Variants in GNE observed in about 807,000 individuals in gnomAD.
GNE encodes glucosamine (UDP-N-acetyl)-2-epimerase/N-acetylmannosamine kinase.
Under a neutral mutation model 61.8 loss-of-function variants are expected in GNE, and 41 were observed. The ratio of observed to expected loss-of-function variants is 0.66; its 90% CI spans 0.52 to 0.86. The LOEUF (loss-of-function observed/expected upper bound fraction) is 0.86. Among genes scored for constraint, GNE ranks in the 40% least tolerant of loss-of-function variants. The probability of loss-of-function intolerance (pLI) is 0.00; values close to 1 mark genes in which losing one functional copy is unlikely to be tolerated. For missense variants in GNE, 608 were observed against 909.1 expected (o/e 0.67, Z 4.26); for synonymous variants, 264 against 326.4 (o/e 0.81, Z 2.06).
intron 1 of GNE, 89 bp downstream of exon 1, chr9:36,258,232 G>T (rs1458683152): frequency 2.7e-6 from 2 of 740,138 alleles, no homozygotes; most frequent in Admixed American, 6.3e-5. Flanking sequence ...GGCCGGGGAG[G>T]GGAGGCCTGG....
intron 1 of GNE, among the ~76,000 whole-genome samples, chr9:36,274,905 T>C (rs1442447412): frequency 6.6e-6 from 1 of 152,152 alleles, no homozygotes; most frequent in Non-Finnish European, 1.5e-5. Context: ...TTTGTATTTT[T>C]AGTAGAGACG....
chr9:36,236,407 C>T (rs1829396116), intron 4 of GNE, among the ~76,000 whole-genome samples: 1 of 152,130 alleles, frequency 6.6e-6, no homozygotes, highest in Admixed American at 6.5e-5. Flanking sequence ...ACCATCTTGG[C>T]CAGGCTGGTC....
intron 4 of GNE, among the ~76,000 whole-genome samples, chr9:36,234,468 A>G (rs1044888947): frequency 1.3e-5 from 2 of 152,140 alleles, no homozygotes; most frequent in African/African-American, 4.8e-5. Context: ...TCTTAACCTG[A>G]GAGTTCCCAA....
chr9:36,262,604 A>G (rs1830646660), upstream of GNE, among the ~76,000 whole-genome samples: 1 of 152,178 alleles, frequency 6.6e-6, no homozygotes, highest in Admixed American at 6.6e-5. Context: ...ATGGCTTTGT[A>G]GTATAATAAA....
At chr9:36,270,598 A>G (rs1270806024) in intron 1 of GNE, among the ~76,000 whole-genome samples, 2 of 151,480 alleles carry the variant, frequency 1.3e-5, no homozygotes, top group Middle Eastern at 3.5e-3. Context: ...GCTCACTGCA[A>G]GCTCCGCCTC....
chr9:36,258,460 C>G (rs1410956239), upstream of GNE: 1 of 985,414 alleles, frequency 1.0e-6, no homozygotes, highest in Non-Finnish European at 1.2e-6. Context: ...ACTCGTCGCT[C>G]GACCTTGTCC....
At chr9:36,263,024 G>A (rs760830993), upstream of GNE, among the ~76,000 whole-genome samples, 4 of 152,090 alleles carry the variant, frequency 2.6e-5, no homozygotes, top group Non-Finnish European at 5.9e-5. Flanking sequence ...TACAGAAGGC[G>A]AAGTTGCCTG....
intron 1 of GNE, among the ~76,000 whole-genome samples, chr9:36,271,574 A>G (rs1831029633): frequency 6.6e-6 from 1 of 152,050 alleles, no homozygotes; most frequent in Non-Finnish European, 1.5e-5. Context: ...GGGTTTCACC[A>G]TGTTGTCTAG....
At chr9:36,270,077 C>T (rs1830965748) in intron 1 of GNE, among the ~76,000 whole-genome samples, 1 of 152,068 alleles carries the variant, frequency 6.6e-6, no homozygotes, top group Non-Finnish European at 1.5e-5. Context: ...TCCTGTGACC[C>T]CAGCATCCCA....
chr9:36,241,608 TCAG>T (rs774222387), intron 3 of GNE, among the ~76,000 whole-genome samples: 4 of 152,210 alleles, frequency 2.6e-5, no homozygotes, highest in Admixed American at 6.5e-5. Context: ...TATCCATAAT[TCAG>T]CAGCCTCAGC....
At chr9:36,217,769 T>C (rs1828397766) in intron 11 of GNE, among the ~76,000 whole-genome samples, 169 bp from the exon 12 acceptor site, 1 of 152,120 alleles carries the variant, frequency 6.6e-6, no homozygotes, top group African/African-American at 2.4e-5. Context: ...TATGAGAAAA[T>C]GATCATGTGA....
chr9:36,247,577 C>T (rs183939621), intron 2 of GNE, among the ~76,000 whole-genome samples: 20 of 152,266 alleles, frequency 1.3e-4, no homozygotes, highest in Admixed American at 2.0e-4. Context: ...AAAAAACCTA[C>T]TACCATTTCC....
intron 3 of GNE, among the ~76,000 whole-genome samples, chr9:36,241,833 G>T (rs1387225041): frequency 6.6e-6 from 1 of 152,038 alleles, no homozygotes; most frequent in East Asian, 1.9e-4. Context: ...CAGAGTGATA[G>T]CATGAGAAGT....
chr9:36,275,154 T>A (rs576067414), intron 1 of GNE, among the ~76,000 whole-genome samples: 27 of 152,340 alleles, frequency 1.8e-4, no homozygotes, highest in African/African-American at 6.5e-4. Context: ...TCAAATCCGC[T>A]TGTCCAAAAT....
chr9:36,218,511 TC>T lies in GNE; in HGVS notation c.1817-213del, dbSNP rs556551893. ...GTTGTACATAACCCAGAACCTATCTTCCTGGAAAAACCTCAAGTCTGACGAC... is the reference window on the plus strand; with the variant it reads ...GTTGTACATAACCCAGAACCTATCTTCTGGAAAAACCTCAAGTCTGACGAC... On this transcript the variant is annotated intron_variant, in intron 10 of 11. Transcript: ENST00000642385. This position sits in a 1 kb window ranked among gnomAD's most constrained non-coding sequence, Gnocchi z 4.1. Among the ~76,000 whole-genome samples the T allele has an allele frequency of 3.0e-3, 460 of 152,318 alleles. 3 individuals carry two copies. Among genetic ancestry groups the T allele is most frequent in the African/African-American group, 0.011 (438 of 41,572 alleles).
At chr9:36,265,922 A>AT (rs747862068) in intron 1 of GNE, among the ~76,000 whole-genome samples, 47 of 151,628 alleles carry the variant, frequency 3.1e-4, no homozygotes, top group Non-Finnish European at 5.3e-4. Context: ...CGGCCCAGTT[A>AT]TTTTTTTATT....
chr9:36,248,236 C>T (rs1829980268), intron 2 of GNE, among the ~76,000 whole-genome samples: 1 of 151,844 alleles, frequency 6.6e-6, no homozygotes, highest in Non-Finnish European at 1.5e-5. Context: ...ATTCATGCCA[C>T]AAGGGTGCAC....
chr9:36,267,205 G>C (rs553943091), intron 1 of GNE, among the ~76,000 whole-genome samples: 18 of 152,256 alleles, frequency 1.2e-4, no homozygotes, highest in Admixed American at 5.9e-4. Flanking sequence ...TAATCTTTTT[G>C]AAATTTATAT....
chr9:36,240,807 A>T (rs116505749), intron 3 of GNE, among the ~76,000 whole-genome samples: 4,201 of 152,122 alleles, frequency 0.028, 190 homozygotes, highest in African/African-American at 0.092. Flanking sequence ...GGTAATTTTT[A>T]AATTACCATT....
Sources: allele counts gnomAD v4.1 joint callset (sites outside exome capture counted in the v4.1 genomes callset), GRCh38; gene constraint gnomAD v4.1.1; non-coding constraint Gnocchi (gnomAD v3.1); transcripts MANE v1.5; gene names NCBI Gene and HGNC (gene_info 2026-07-23, HGNC 2026-07-21).